The following PRKN variants were observed in gnomAD, a reference collection of about 807,000 sequenced individuals.
PRKN encodes the protein E3 ubiquitin-protein ligase parkin.
PRKN carries 56 observed loss-of-function variants against 59.5 expected under a neutral mutation model. That is an observed-to-expected ratio of 0.94 (90% CI 0.76 to 1.18). The LOEUF is 1.18. PRKN is among the 50% of genes most tolerant of loss of function. PRKN has a pLI of 0.00. For synonymous variants in PRKN, 250 were observed against 222.1 expected, an observed-to-expected ratio of 1.13 and a Z score of -1.12; for missense variants, 657 against 596.4, an observed-to-expected ratio of 1.10 and a Z score of -1.06.
In PRKN at chr6:161,643,217, T is replaced by A. The variant is rs538974305; in HGVS notation, c.872-73801A>T. 7.2e-5 allele frequency among the ~76,000 whole-genome samples: 11 copies of A among 152,354 alleles called. No individual in the cohort carries two copies. In the South Asian group the frequency reaches 1.7e-3, roughly 23 times the overall value. ...GGTTTCCTGGCTTACTTGATTTTTT[T>A]AATTAAATTAAGAAATCCATATTAA... On this transcript the variant is annotated intron_variant, in intron 7 of 11. Transcript: ENST00000366898.
At chr6:162,626,417 T>G (rs1583935016) in intron 1 of PRKN, among the ~76,000 whole-genome samples, 1 of 152,170 alleles carries the variant, frequency 6.6e-6, no homozygotes. Context: ...AGAATGACTC[T>G]CGAATTAATC....
chr6:162,012,031 G>C (rs564626252), intron 5 of PRKN, among the ~76,000 whole-genome samples: 1 of 151,984 alleles, frequency 6.6e-6, no homozygotes, highest in South Asian at 2.1e-4. Flanking sequence ...ATAATGACAC[G>C]CAAAATGCTT....
chr6:161,947,165 A>T (rs940384473), intron 6 of PRKN, among the ~76,000 whole-genome samples: 2 of 152,224 alleles, frequency 1.3e-5, no homozygotes, highest in South Asian at 4.1e-4. Flanking sequence ...ATATATATGC[A>T]TGTACATACC....
rs1406294216 is a variant in PRKN at position 162,422,576 on chromosome 6, C to G, written c.171+20734G>C. ...TGACTTTGGGTCACAGAGTTCTTTA[C>G]GAGTAAGAACTGGGGATAATTGAGA... On this transcript the variant is annotated intron_variant, in intron 2 of 11. Transcript: ENST00000366898. Among the ~76,000 whole-genome samples, 5 of 152,062 alleles carry G rather than the reference C, an allele frequency of 3.3e-5. 1 individual carries two copies. Among genetic ancestry groups the G allele is most frequent in the Non-Finnish European group, 7.3e-5 (5 of 68,028 alleles).
chr6:161,877,703 C>CA (rs1459016914), intron 6 of PRKN, among the ~76,000 whole-genome samples: 1 of 151,986 alleles, frequency 6.6e-6, no homozygotes, highest in Non-Finnish European at 1.5e-5. Context: ...CTACTGACCT[C>CA]ATGATCTGCC....
chr6:162,242,412 C>A (rs1371088669), intron 3 of PRKN, among the ~76,000 whole-genome samples: 2 of 152,046 alleles, frequency 1.3e-5, no homozygotes, highest in Non-Finnish European at 2.9e-5. Context: ...TAACATGAAC[C>A]TCTTAGTAGT....
chr6:161,650,407 T>C (rs2128161346), intron 7 of PRKN, among the ~76,000 whole-genome samples: 1 of 152,280 alleles, frequency 6.6e-6, no homozygotes, highest in East Asian at 1.9e-4. Flanking sequence ...GGTATTTCCT[T>C]GTGTTTTATA....
intron 6 of PRKN, among the ~76,000 whole-genome samples, chr6:161,835,973 G>T (rs1442979322): frequency 6.6e-6 from 1 of 152,088 alleles, no homozygotes; most frequent in African/African-American, 2.4e-5. Flanking sequence ...GTACATATTT[G>T]GTTGCTTGCC....
At chr6:162,489,935 C>T (rs960981277) in intron 1 of PRKN, among the ~76,000 whole-genome samples, 23 of 152,146 alleles carry the variant, frequency 1.5e-4, no homozygotes, top group Non-Finnish European at 3.4e-4. Flanking sequence ...TGTCTTTATA[C>T]CTTAAATCCT....
At position 162,421,799 on chromosome 6, in the gene PRKN, A is replaced by G. The variant is rs865787293; in HGVS notation, c.171+21511T>C. On this transcript the variant is annotated intron_variant, in intron 2 of 11. Transcript: ENST00000366898. ...CATTACATAATGTTGACCAGTAACT[A>G]TTAATATAATGCAATATAAAATAGG... Among the ~76,000 whole-genome samples, 6 of 152,370 alleles carry G rather than the reference A, an allele frequency of 3.9e-5. No individual in the cohort carries two copies. In the Middle Eastern group the frequency reaches 0.01, roughly 259 times the overall value.
chr6:162,541,442 G>A (rs1778923072), intron 1 of PRKN, among the ~76,000 whole-genome samples: 1 of 152,194 alleles, frequency 6.6e-6, no homozygotes, highest in Non-Finnish European at 1.5e-5. Context: ...GGCCATCCTA[G>A]GCTCTGGACT....
At position 161,581,718 on chromosome 6, in the gene PRKN, C is replaced by T. The variant is rs1781347821; in HGVS notation, c.872-12302G>A. On this transcript the variant is annotated intron_variant, in intron 7 of 11. Transcript: ENST00000366898. The surrounding 1 kb of genome is among the most constrained non-coding windows in gnomAD (Gnocchi z 4.5). ...AATGAACATCAGCAATTGGTGTTGA[C>T]TCAGAAGGCTGAGATTCTGTTTGAG... Among the ~76,000 whole-genome samples, 1 of 152,128 alleles carries T rather than the reference C, an allele frequency of 6.6e-6. No homozygotes were observed. The highest frequency in any genetic ancestry group is 2.1e-4 in the South Asian group (1 of 4,822).
At chr6:161,523,152 G>A (rs919718452) in intron 9 of PRKN, among the ~76,000 whole-genome samples, 1 of 152,044 alleles carries the variant, frequency 6.6e-6, no homozygotes, top group Non-Finnish European at 1.5e-5. Context: ...TAAAGACATG[G>A]TTGAATCCAG....
At chr6:162,335,856 A>G (rs925106038) in intron 2 of PRKN, among the ~76,000 whole-genome samples, 1 of 151,806 alleles carries the variant, frequency 6.6e-6, no homozygotes, top group Non-Finnish European at 1.5e-5. Flanking sequence ...CTCTTCCAGC[A>G]AAGAGAGGGG....
At chr6:161,421,492 C>A (rs1788104732) in intron 9 of PRKN, among the ~76,000 whole-genome samples, 1 of 152,138 alleles carries the variant, frequency 6.6e-6, no homozygotes, top group South Asian at 2.1e-4. Context: ...TAAGCAGGAC[C>A]AGCATGAGGG....
chr6:162,591,497 C>T (rs991240190), intron 1 of PRKN, among the ~76,000 whole-genome samples: 25 of 151,922 alleles, frequency 1.6e-4, no homozygotes, highest in African/African-American at 5.3e-4. Flanking sequence ...TATTCTTAAA[C>T]GATGCAATTG....
chr6:162,350,705 A>C (rs533811762), intron 2 of PRKN, among the ~76,000 whole-genome samples: 1 of 152,282 alleles, frequency 6.6e-6, no homozygotes, highest in Non-Finnish European at 1.5e-5. Context: ...TTAAAACCTA[A>C]AACTATATAA....
chr6:162,073,971 T>C (rs538817324), intron 4 of PRKN, among the ~76,000 whole-genome samples: 3 of 151,792 alleles, frequency 2.0e-5, no homozygotes, highest in African/African-American at 7.3e-5. Context: ...CATTAAAAAG[T>C]CAGGAAACAA....
intron 6 of PRKN, among the ~76,000 whole-genome samples, chr6:161,929,752 G>T (rs1779103498): frequency 6.6e-6 from 1 of 151,954 alleles, no homozygotes; most frequent in Non-Finnish European, 1.5e-5. Context: ...GACCACAAAT[G>T]ATCTACCTGC....
Sources: allele counts gnomAD v4.1 joint callset (sites outside exome capture counted in the v4.1 genomes callset), GRCh38; gene constraint gnomAD v4.1.1; non-coding constraint Gnocchi (gnomAD v3.1); transcripts MANE v1.5; gene names NCBI Gene and HGNC (gene_info 2026-07-23, HGNC 2026-07-21).